PSME4: variants seen among roughly 807,000 people sequenced by gnomAD.
PSME4 encodes proteasome activator subunit 4.
PSME4 carries 89 observed loss-of-function variants against 253.9 expected under a neutral mutation model. That is an observed-to-expected ratio of 0.35 (90% CI 0.30 to 0.42). PSME4 has a LOEUF of 0.42. Ranked by LOEUF, PSME4 falls within the 10% of genes least tolerant of loss-of-function variation. The pLI, the probability that PSME4 is intolerant of heterozygous loss-of-function variation, is 1.00. For missense variants in PSME4, 2,014 were observed against 2,195.2 expected (o/e 0.92, Z 1.65); for synonymous variants, 851 against 759.2 (o/e 1.12, Z -1.99).
intron 3 of PSME4, among the ~76,000 whole-genome samples, chr2:53,941,214 T>G (rs1669439152): frequency 6.9e-6 from 1 of 145,336 alleles, no homozygotes; most frequent in East Asian, 2.0e-4. Flanking sequence ...CTTGGAGCAG[T>G]AGAAATCCTC....
intron 17 of PSME4, among the ~76,000 whole-genome samples, chr2:53,921,384 T>C (rs996095375): frequency 1.3e-4 from 20 of 151,584 alleles, no homozygotes; most frequent in Non-Finnish European, 2.8e-4. Flanking sequence ...GTAGCTGGAA[T>C]TACAGGTACA....
At chr2:53,946,306 C>T (rs1669696807) in intron 3 of PSME4, among the ~76,000 whole-genome samples, 1 of 152,184 alleles carries the variant, frequency 6.6e-6, no homozygotes, top group Admixed American at 6.5e-5. Context: ...CTTTCATTTA[C>T]AAAATACTTT....
chr2:53,943,008 T>C (rs1010238350), intron 3 of PSME4, among the ~76,000 whole-genome samples: 1 of 152,186 alleles, frequency 6.6e-6, no homozygotes, highest in Non-Finnish European at 1.5e-5. Flanking sequence ...GGAAAACCAA[T>C]AGTCTTCGCC....
chr2:53,949,230 A>G lies in PSME4; in HGVS notation c.296T>C (p.Ile99Thr). 6.2e-7 allele frequency: 1 copy of G among 1,610,832 alleles called. No individual in the cohort carries two copies. The highest frequency in any genetic ancestry group is 8.5e-7 in the Non-Finnish European group (1 of 1,178,462). Reference sequence around the variant, plus strand: ...TGATACCAGCTCATACAATAACTTAATAAAAAGAACATGATCTTCTTTGCT... The same window carrying G: ...TGATACCAGCTCATACAATAACTTAGTAAAAAGAACATGATCTTCTTTGCT... The part of the protein sequence containing the change: ...KFSKEDHVLF[I>T]KLLYELVSIP... The change falls in exon 2 of 47, where the codon ATT (isoleucine) becomes ACT (threonine). Residue 99 changes from isoleucine to threonine, a missense_variant. By Grantham distance (89) the Ile-to-Thr change is moderately conservative. Coordinates refer to ENST00000404125, the MANE Select transcript of PSME4 (RefSeq NM_014614.3).
chr2:53,895,566 C>G lies in PSME4; in HGVS notation c.3842+17G>C, dbSNP rs775642444. The G allele has an allele frequency of 6.3e-7, 1 of 1,596,812 alleles. No homozygotes were observed. The highest frequency in any genetic ancestry group is 1.3e-5 in the African/African-American group (1 of 74,224). ...ATCAAAGGCATTTAATGATAAGGTG[C>G]ACAGTAAGTTACTTACTTTGGCCAG... On this transcript the variant is annotated intron_variant, in intron 33 of 46. Coordinates refer to ENST00000404125, the MANE Select transcript of PSME4 (RefSeq NM_014614.3).
chr2:53,887,025 G>A (rs1679670037), intron 40 of PSME4, among the ~76,000 whole-genome samples: 1 of 152,104 alleles, frequency 6.6e-6, no homozygotes, highest in African/African-American at 2.4e-5. Context: ...GTTGTTAAAG[G>A]GTACAAAGTT....
At position 53,875,672 on chromosome 2, in the gene PSME4, C is replaced by G; in HGVS notation, c.4899G>C (p.Leu1633Phe). ...CCAAAGGCACTTGATGAGGGTAAAG[C>G]AACCCCTGAGACATTAATGATAAAC... The part of the protein sequence containing the change: ...KLCLSLMSQG[L>F]LYPHQVPLVL... The change falls in exon 42 of 47, where the codon TTG becomes TTC. Residue 1633 changes from leucine to phenylalanine, a missense_variant. Around this residue, in one of 4 missense-constraint regions of PSME4, gnomAD observed 403 missense variants for 556.1 expected, o/e 0.72. Transcript: ENST00000404125. 1 of 1,612,964 alleles carries G rather than the reference C, an allele frequency of 6.2e-7. No homozygotes were observed. The highest frequency in any genetic ancestry group is 8.5e-7 in the Non-Finnish European group (1 of 1,179,240).
chr2:53,959,128 G>C (rs147528597), intron 1 of PSME4, among the ~76,000 whole-genome samples: 202 of 152,242 alleles, frequency 1.3e-3, no homozygotes, highest in African/African-American at 4.6e-3. Flanking sequence ...GCTAGCCTGG[G>C]CAACATGGCA....
At chr2:53,881,939 G>T (rs1290399303) in intron 41 of PSME4, among the ~76,000 whole-genome samples, 3 of 152,050 alleles carry the variant, frequency 2.0e-5, no homozygotes, top group African/African-American at 7.2e-5. Flanking sequence ...GACTTTGTAA[G>T]CTATTCTTGG....
intron 19 of PSME4, 38 bp from the exon 20 acceptor site, chr2:53,919,284 C>T (rs368539156): frequency 6.5e-7 from 1 of 1,543,818 alleles, no homozygotes; most frequent in African/African-American, 1.4e-5. Context: ...ATTTCCAAAT[C>T]CCTATTTAAT....
chr2:53,914,862 C>T (rs1667989142), intron 20 of PSME4, among the ~76,000 whole-genome samples: 2 of 152,138 alleles, frequency 1.3e-5, no homozygotes, highest in South Asian at 2.1e-4. Context: ...GCCTGGGCAA[C>T]GAGTGAAACT....
At chr2:53,899,694 T>C (rs1470165859) in intron 29 of PSME4, among the ~76,000 whole-genome samples, 187 bp downstream of exon 29, 1 of 151,914 alleles carries the variant, frequency 6.6e-6, no homozygotes, top group African/African-American at 2.4e-5. Flanking sequence ...GGTGCATGCC[T>C]GTAATCTCAG....
chr2:53,970,737 G>C lies in PSME4; in HGVS notation c.48C>G (p.Gly16=), dbSNP rs1190963223. The C allele has an allele frequency of 1.3e-6, 2 of 1,545,988 alleles. No individual in the cohort carries two copies. The highest frequency in any genetic ancestry group is 2.8e-5 in the African/African-American group (2 of 72,616). The change falls in exon 1 of 47, where the codon GGC becomes GGG. Residue 16 remains glycine (G), a synonymous_variant. Transcript: ENST00000404125. ...RAGVGEPPEP[G]GRPEPGPRGF... ...CCCGCGGGCCCGGCTCGGGACGCCC[G>C]CCCGGCTCCGGGGGCTCTCCGACTC...
intron 8 of PSME4, among the ~76,000 whole-genome samples, chr2:53,933,578 C>T (rs923172313): frequency 5.9e-5 from 9 of 152,022 alleles, no homozygotes; most frequent in African/African-American, 2.2e-4. Context: ...TACAGGGTCT[C>T]GCCATGTGGC....
rs955707449 is a variant in PSME4, at chr2:53,888,948, G to A, written c.4297-136C>T. The A allele has an allele frequency of 8.2e-5, 53 of 643,038 alleles. No homozygotes were observed. In the South Asian group the frequency reaches 1.2e-3, roughly 15 times the overall value. 39.8% of individuals were successfully genotyped at this position (643,038 alleles called of 1,614,324 possible). A position where few individuals can be genotyped will look rare whatever the true frequency, so the allele number is the denominator to read the frequency against. On this transcript the variant is annotated intron_variant, in intron 37 of 46. Coordinates refer to ENST00000404125, the MANE Select transcript of PSME4 (RefSeq NM_014614.3). ...TGCCCAGGCTGGAGTGAAGTGGTAT[G>A]ATTGCCTCCCAGGCTCAAGTAATCC...
intron 1 of PSME4, among the ~76,000 whole-genome samples, chr2:53,949,872 G>A (rs1442089114): frequency 3.3e-5 from 5 of 152,136 alleles, no homozygotes; most frequent in African/African-American, 9.7e-5. Context: ...TATTTTTAAT[G>A]ACAATTTTTA....
intron 1 of PSME4, among the ~76,000 whole-genome samples, chr2:53,958,089 G>A (rs1368059825): frequency 1.3e-5 from 2 of 151,566 alleles, no homozygotes; most frequent in African/African-American, 2.4e-5. Flanking sequence ...AGGAGGCTGG[G>A]CCAGGAGAAT....
At position 53,904,030 on chromosome 2, in the gene PSME4, A is replaced by T. The variant is rs755139870; in HGVS notation, c.3070T>A (p.Phe1024Ile). The change falls in exon 27 of 47, where the codon TTC becomes ATC. Residue 1024 changes from phenylalanine (F) to isoleucine (I), a missense_variant. Phe to Ile is a conservative substitution (Grantham distance 21). Coordinates refer to ENST00000404125, the MANE Select transcript of PSME4 (RefSeq NM_014614.3). Reference sequence around the variant, plus strand: ...ATAGGAAAAAAACCCTATACCTTGAATTGTTGCTGTGTAACACCTTGTCTA... The same window carrying T: ...ATAGGAAAAAAACCCTATACCTTGATTTGTTGCTGTGTAACACCTTGTCTA... ...PDRQGVTQQQ[F>I]KGALYCLLGN... 31 of 1,606,292 alleles carry T rather than the reference A, an allele frequency of 1.9e-5. No individual in the cohort carries two copies. Among genetic ancestry groups the T allele is most frequent in the Non-Finnish European group, 2.1e-5 (25 of 1,177,664 alleles).
intron 19 of PSME4, 51 bp from the exon 20 acceptor site, chr2:53,919,297 G>T: frequency 6.6e-7 from 1 of 1,510,830 alleles, no homozygotes; most frequent in Non-Finnish European, 8.8e-7. Context: ...TATTTAATAA[G>T]CCTGCTAGAG....
Sources: allele counts gnomAD v4.1 joint callset (sites outside exome capture counted in the v4.1 genomes callset), GRCh38; gene constraint gnomAD v4.1.1; regional missense constraint gnomAD v4.1.1; transcripts MANE v1.5; gene names NCBI Gene and HGNC (gene_info 2026-07-23, HGNC 2026-07-21).